Variants in CCDC62 observed in about 807,000 individuals in gnomAD.
CCDC62 encodes the protein coiled-coil domain-containing protein 62.
CCDC62 carries 72 observed loss-of-function variants against 80.8 expected under a neutral mutation model. The observed-to-expected ratio is 0.89, with a 90% CI of 0.74 to 1.08. The LOEUF is 1.08. Among genes scored for constraint, CCDC62 ranks in the 50% least tolerant of loss-of-function variants. CCDC62 has a pLI of 0.00. For synonymous variants in CCDC62, 286 were observed against 296.5 expected, an observed-to-expected ratio of 0.96 and a Z score of 0.36; for missense variants, 704 against 809.4, an observed-to-expected ratio of 0.87 and a Z score of 1.58.
chr12:122,811,821 CAAAAAAAA>C (rs67025764), intron 10 of CCDC62, among the ~76,000 whole-genome samples: 2 of 34,646 alleles, frequency 5.8e-5, no homozygotes, highest in Non-Finnish European at 1.0e-4. Context: ...ACTCCATCTG[CAAAAAAAA>C]AAAAAAAAAA....
intron 7 of CCDC62, 30 bp downstream of exon 7, chr12:122,797,425 A>G (rs1307616785): frequency 1.7e-6 from 2 of 1,188,634 alleles, no homozygotes; most frequent in Non-Finnish European, 2.5e-6. Context: ...TCTCTGTCAC[A>G]TAAGAAATGT....
chr12:122,790,974 C>T (rs1281763957), intron 5 of CCDC62, among the ~76,000 whole-genome samples: 4 of 152,094 alleles, frequency 2.6e-5, no homozygotes, highest in Admixed American at 2.0e-4. Context: ...ATACCACAGA[C>T]ATACTCAAGG....
intron 10 of CCDC62, among the ~76,000 whole-genome samples, 157 bp from the exon 11 acceptor site, chr12:122,813,113 G>A (rs1033394186): frequency 5.9e-5 from 9 of 152,094 alleles, no homozygotes; most frequent in Non-Finnish European, 8.8e-5. Flanking sequence ...AGGATCACTC[G>A]AGCCCAGGAG....
intron 1 of CCDC62, 78 bp downstream of exon 1, chr12:122,774,784 G>A (rs1028427762): frequency 3.6e-6 from 4 of 1,110,804 alleles, no homozygotes; most frequent in Non-Finnish European, 4.6e-6. Context: ...TCTCAAGAAC[G>A]GTGTCTACTT....
intron 9 of CCDC62, among the ~76,000 whole-genome samples, chr12:122,802,760 G>A (rs963675953): frequency 1.3e-5 from 2 of 151,964 alleles, no homozygotes; most frequent in African/African-American, 2.4e-5. Context: ...GGGCATGGTG[G>A]TGTACACCTG....
intron 5 of CCDC62, among the ~76,000 whole-genome samples, chr12:122,790,757 G>T (rs1468012073): frequency 6.6e-6 from 1 of 152,098 alleles, no homozygotes; most frequent in Non-Finnish European, 1.5e-5. Context: ...TTCCAGCCCT[G>T]TCTTCACTTG....
intron 8 of CCDC62, 44 bp downstream of exon 8, chr12:122,798,244 C>G (rs1212084737): frequency 1.9e-5 from 18 of 947,506 alleles, no homozygotes; most frequent in Middle Eastern, 2.1e-4. Flanking sequence ...GTATTATATT[C>G]CATCAGCCAG....
chr12:122,820,195 C>T (rs975507749), intron 11 of CCDC62, among the ~76,000 whole-genome samples: 13 of 151,892 alleles, frequency 8.6e-5, no homozygotes, highest in African/African-American at 2.9e-4. Flanking sequence ...GAGGCAGAAG[C>T]GGGACTTCTC....
chr12:122,783,093 C>T (rs931900098), intron 3 of CCDC62, among the ~76,000 whole-genome samples: 7 of 145,438 alleles, frequency 4.8e-5, no homozygotes, highest in African/African-American at 1.5e-4. Context: ...GGGGAAAGAG[C>T]GAGACTCCTT....
At chr12:122,790,835 T>C (rs1462169821) in intron 5 of CCDC62, among the ~76,000 whole-genome samples, 2 of 152,162 alleles carry the variant, frequency 1.3e-5, no homozygotes, top group Non-Finnish European at 2.9e-5. Context: ...CTCGTTAGCA[T>C]GTAGTCTGGT....
At chr12:122,800,602 A>G (rs755312321) in intron 8 of CCDC62, among the ~76,000 whole-genome samples, 49 of 151,902 alleles carry the variant, frequency 3.2e-4, no homozygotes, top group Admixed American at 1.0e-3. Context: ...TAATTTTTGT[A>G]TATTTAGTAG....
At chr12:122,824,654 C>T (rs1282354802) in intron 12 of CCDC62, among the ~76,000 whole-genome samples, 1 of 152,098 alleles carries the variant, frequency 6.6e-6, no homozygotes, top group African/African-American at 2.4e-5. Context: ...TCCAATAATC[C>T]CACTACTGGG....
chr12:122,812,647 G>C (rs1473356748), intron 10 of CCDC62, among the ~76,000 whole-genome samples: 1 of 24,456 alleles, frequency 4.1e-5, no homozygotes, highest in African/African-American at 8.5e-5. Context: ...GGGAGGCTGA[G>C]GTGGGTGGAG....
chr12:122,797,590 G>C (rs1048797367), intron 7 of CCDC62, among the ~76,000 whole-genome samples, 195 bp downstream of exon 7: 1 of 152,044 alleles, frequency 6.6e-6, no homozygotes, highest in Non-Finnish European at 1.5e-5. Flanking sequence ...AACCGGGCTG[G>C]GGTGCAATGG....
intron 9 of CCDC62, among the ~76,000 whole-genome samples, chr12:122,805,497 CCA>C (rs1566082520): frequency 6.8e-6 from 1 of 146,540 alleles, no homozygotes; most frequent in Non-Finnish European, 1.5e-5. Flanking sequence ...GCACATGCCA[CCA>C]CACCCAGCTC....
chr12:122,803,798 A>AT lies in CCDC62; in HGVS notation c.1706+1951dup, dbSNP rs150164877. ...TTGCAAGTATCAGGGCACAATGCCT[A>AT]TTTTTCACTACTGAACAAGGACACT... On this transcript the variant is annotated intron_variant, in intron 9 of 12. Coordinates refer to ENST00000253079, the MANE Select transcript of CCDC62 (RefSeq NM_201435.5). Among the ~76,000 whole-genome samples the AT allele has an allele frequency of 3.6e-3, 553 of 152,294 alleles. 4 individuals are homozygous for AT. The highest frequency in any genetic ancestry group is 0.013 in the African/African-American group (522 of 41,556).
intron 6 of CCDC62, among the ~76,000 whole-genome samples, chr12:122,795,817 G>A (rs999333067): frequency 7.9e-5 from 12 of 152,228 alleles, no homozygotes; most frequent in African/African-American, 2.2e-4. Flanking sequence ...TGACAGTCCT[G>A]TAGGTGAGCT....
chr12:122,812,297 C>G (rs907753057), intron 10 of CCDC62, among the ~76,000 whole-genome samples: 2 of 151,588 alleles, frequency 1.3e-5, no homozygotes, highest in African/African-American at 4.8e-5. Flanking sequence ...ACAAAATTAG[C>G]CAGGTGTGGT....
At chr12:122,808,220 C>G (rs1359597234) in intron 10 of CCDC62, among the ~76,000 whole-genome samples, 1 of 152,050 alleles carries the variant, frequency 6.6e-6, no homozygotes, top group Non-Finnish European at 1.5e-5. Flanking sequence ...TTGCTTAAAC[C>G]CGGGAGGCAG....
Sources: allele counts gnomAD v4.1 joint callset (sites outside exome capture counted in the v4.1 genomes callset), GRCh38; gene constraint gnomAD v4.1.1; transcripts MANE v1.5; gene names NCBI Gene and HGNC (gene_info 2026-07-23, HGNC 2026-07-21).